The following ITGAV variants were observed in gnomAD, a reference collection of about 807,000 sequenced individuals.
The protein encoded by ITGAV is integrin alpha-V.
In ITGAV, 76 loss-of-function variants were observed where a neutral mutation model predicts 143.8. That is an observed-to-expected ratio of 0.53 (90% CI 0.44 to 0.64). ITGAV has a LOEUF of 0.64. Ranked by LOEUF, ITGAV falls within the 30% of genes least tolerant of loss-of-function variation. The probability of loss-of-function intolerance (pLI) is 0.00; values close to 1 mark genes in which losing one functional copy is unlikely to be tolerated. For synonymous variants in ITGAV, 453 were observed against 446.7 expected, an observed-to-expected ratio of 1.01 and a Z score of -0.18; for missense variants, 1,193 against 1,274.7, an observed-to-expected ratio of 0.94 and a Z score of 0.98.
chr2:186,607,655 C>A (rs1173239024), intron 2 of ITGAV, among the ~76,000 whole-genome samples: 3 of 152,210 alleles, frequency 2.0e-5, no homozygotes, highest in Admixed American at 2.0e-4. Context: ...ATAATGGGAA[C>A]TAAACTGAAT....
intron 6 of ITGAV, among the ~76,000 whole-genome samples, 195 bp from the exon 7 acceptor site, chr2:186,635,887 T>C (rs1203101826): frequency 6.6e-6 from 1 of 152,196 alleles, no homozygotes; most frequent in Non-Finnish European, 1.5e-5. Flanking sequence ...TTTTAAGTAC[T>C]GGCTTAAACA....
chr2:186,604,224 C>T (rs1046348158), intron 2 of ITGAV, among the ~76,000 whole-genome samples: 3 of 151,976 alleles, frequency 2.0e-5, no homozygotes, highest in Admixed American at 1.3e-4. Flanking sequence ...TTTCTTACTT[C>T]TATATATGTA....
intron 17 of ITGAV, among the ~76,000 whole-genome samples, chr2:186,657,954 A>G (rs7565633): frequency 0.4 from 43,222 of 107,672 alleles, 6,739 homozygotes; most frequent in Non-Finnish European, 0.47. Context: ...TCTTTGAAAG[A>G]AAAAAAAAAC....
At chr2:186,591,575 A>G (rs1306998087) in intron 1 of ITGAV, among the ~76,000 whole-genome samples, 1 of 152,094 alleles carries the variant, frequency 6.6e-6, no homozygotes, top group African/African-American at 2.4e-5. Context: ...GTGGAGGAAA[A>G]TTTTGACGGT....
rs1688276990 is a variant in ITGAV at position 186,646,838 on chromosome 2, A to G, written c.1312A>G (p.Met438Val). Residue 438 changes from methionine to valine, a missense_variant, in exon 13 of 30, where the codon ATG (methionine) becomes GTG (valine). Met to Val is a conservative substitution (Grantham distance 21). Transcript: ENST00000261023. ...CATGCCACCAAGCTTTGGCTATTCA[A>G]TGAAAGGAGCCACAGATATAGACAA... ...RSMPPSFGYS[M>V]KGATDIDKNG... 9 of 1,607,926 alleles carry G rather than the reference A, an allele frequency of 5.6e-6. No homozygotes were observed. The East Asian group carries it at 1.3e-4, about 24-fold the overall frequency.
chr2:186,619,575 G>A (rs369753053), intron 2 of ITGAV, among the ~76,000 whole-genome samples: 277 of 151,824 alleles, frequency 1.8e-3, no homozygotes, highest in African/African-American at 5.9e-3. Flanking sequence ...ACAAAAAAAC[G>A]TGCTAAATGT....
intron 12 of ITGAV, among the ~76,000 whole-genome samples, chr2:186,646,178 T>A (rs965902664): frequency 6.6e-6 from 1 of 152,112 alleles, no homozygotes; most frequent in Non-Finnish European, 1.5e-5. Flanking sequence ...TTGAGCAAGA[T>A]CAAGATGAAG....
intron 2 of ITGAV, among the ~76,000 whole-genome samples, chr2:186,618,273 C>A (rs982191905): frequency 6.6e-6 from 1 of 152,302 alleles, no homozygotes; most frequent in Non-Finnish European, 1.5e-5. Flanking sequence ...AACTCTGTTG[C>A]AGGTGAAGGC....
At chr2:186,663,632 CAACA>C in intron 18 of ITGAV, 132 bp from the exon 19 acceptor site, 1 of 596,252 alleles carries the variant, frequency 1.7e-6, no homozygotes, top group Non-Finnish European at 2.9e-6. Flanking sequence ...TTCAGGTATA[CAACA>C]AACAAGCTGA....
At chr2:186,664,324 C>T (rs1688827409) in intron 19 of ITGAV, among the ~76,000 whole-genome samples, 170 bp from the exon 20 acceptor site, 1 of 152,108 alleles carries the variant, frequency 6.6e-6, no homozygotes, top group African/African-American at 2.4e-5. Flanking sequence ...TCGATTTGCA[C>T]CCAGTGTGCT....
chr2:186,607,512 G>A (rs1264196783), intron 2 of ITGAV, among the ~76,000 whole-genome samples: 1 of 152,000 alleles, frequency 6.6e-6, no homozygotes, highest in Admixed American at 6.6e-5. Flanking sequence ...TGAAATGGTA[G>A]AACTTCTGTC....
chr2:186,641,411 C>T lies in ITGAV; in HGVS notation c.982C>T (p.Pro328Ser). ...TTATGCAGATGTGTTTATTGGAGCA[C>T]CTCTCTTCATGGATCGTGGCTCTGA... ...DDYADVFIGA[P>S]LFMDRGSDGK... Residue 328 changes from proline (P) to serine (S), a missense_variant, in exon 12 of 30, where the codon CCT (proline) becomes TCT (serine). Transcript: ENST00000261023. 2 of 1,614,048 alleles carry T rather than the reference C, an allele frequency of 1.2e-6. No individual in the cohort carries two copies. Among genetic ancestry groups the T allele is most frequent in the Non-Finnish European group, 1.7e-6 (2 of 1,179,956 alleles).
Position 186,668,951 on chromosome 2 carries a change from A to C in ITGAV, c.2592+31A>C, listed in dbSNP as rs529168401. 3 of 1,521,696 alleles carry C rather than the reference A, an allele frequency of 2.0e-6. No homozygotes were observed. In the East Asian group the frequency reaches 6.9e-5, roughly 35 times the overall value. The allele number at this position is 1,521,696 out of a possible 1,614,324, so 94.3% of individuals were successfully genotyped here. On this transcript the variant is annotated intron_variant, in intron 25 of 29. Coordinates refer to ENST00000261023, the MANE Select transcript of ITGAV (RefSeq NM_002210.5). ...ATGCTTAATAGCAGCTCTTCATTAC[A>C]ATGATATTTCATTGCCTTCTTTCTA...
At position 186,622,432 on chromosome 2, in the gene ITGAV, T is replaced by C; in HGVS notation, c.408+2T>C. ...AGGTCGAAACAGGATAAAATTTTGGTGAGTCTTCTGGATATTTACTTACAG... is the reference window on the plus strand; with the variant it reads ...AGGTCGAAACAGGATAAAATTTTGGCGAGTCTTCTGGATATTTACTTACAG... On this transcript the variant is annotated splice_donor_variant, in intron 3 of 29. Transcript: ENST00000261023. LOFTEE classifies it high-confidence loss of function. The C allele has an allele frequency of 6.3e-7, 1 of 1,583,902 alleles. No homozygotes were observed. The highest frequency in any genetic ancestry group is 1.1e-5 in the South Asian group (1 of 90,440).
chr2:186,644,485 C>G (rs1403084065), intron 12 of ITGAV, among the ~76,000 whole-genome samples: 1 of 151,916 alleles, frequency 6.6e-6, no homozygotes, highest in African/African-American at 2.4e-5. Context: ...ACCACCATGC[C>G]TGGCTAATTT....
chr2:186,617,667 A>G (rs1687402935), intron 2 of ITGAV, among the ~76,000 whole-genome samples: 1 of 152,172 alleles, frequency 6.6e-6, no homozygotes, highest in South Asian at 2.1e-4. Flanking sequence ...TTTATTAGAG[A>G]AAGAGATTTA....
chr2:186,600,364 G>A (rs1463024374), intron 1 of ITGAV: 1 of 1,536,262 alleles, frequency 6.5e-7, no homozygotes, highest in South Asian at 1.2e-5. Flanking sequence ...TTCTGATCCT[G>A]TACATCTTAA....
intron 28 of ITGAV, 24 bp downstream of exon 28, chr2:186,675,951 A>G (rs1349463576): frequency 8.0e-7 from 1 of 1,253,592 alleles, no homozygotes; most frequent in Non-Finnish European, 1.2e-6. Context: ...TTAGGCAAAT[A>G]GAATAAATTT....
At chr2:186,594,604 C>T (rs546366712) in intron 1 of ITGAV, among the ~76,000 whole-genome samples, 1 of 152,256 alleles carries the variant, frequency 6.6e-6, no homozygotes, top group African/African-American at 2.4e-5. Context: ...TCTGTAACAT[C>T]CTTTTTCATC....
Sources: allele counts gnomAD v4.1 joint callset (sites outside exome capture counted in the v4.1 genomes callset), GRCh38; gene constraint gnomAD v4.1.1; transcripts MANE v1.5; gene names NCBI Gene and HGNC (gene_info 2026-07-23, HGNC 2026-07-21).